The following STK31 variants were observed in gnomAD, a reference collection of about 807,000 sequenced individuals.
The protein encoded by STK31 is serine/threonine-protein kinase 31.
In STK31, 89 loss-of-function variants were observed where a neutral mutation model predicts 129.7. That is an observed-to-expected ratio of 0.69 (90% CI 0.58 to 0.82). The LOEUF (loss-of-function observed/expected upper bound fraction) is 0.82. STK31 is among the 40% of genes least tolerant of loss of function. STK31 has a pLI of 0.00. For missense variants in STK31, 1,187 were observed against 1,176.4 expected, an observed-to-expected ratio of 1.01 and a Z score of -0.13; for synonymous variants, 448 against 395.3, an observed-to-expected ratio of 1.13 and a Z score of -1.58.
At chr7:23,721,398 C>T (rs981289307) in intron 4 of STK31, 2 of 1,070,266 alleles carry the variant, frequency 1.9e-6, no homozygotes, top group Non-Finnish European at 1.4e-6. Flanking sequence ...TGAGGTGGCT[C>T]CTCTGGCTTC....
intron 3 of STK31, among the ~76,000 whole-genome samples, chr7:23,714,611 T>C (rs932100725): frequency 1.8e-4 from 27 of 152,232 alleles, no homozygotes; most frequent in African/African-American, 6.5e-4. Context: ...CTTTTTAATA[T>C]TGTCTTTGAA....
At chr7:23,825,404 C>T (rs1210402533) in intron 23 of STK31, among the ~76,000 whole-genome samples, 1 of 152,168 alleles carries the variant, frequency 6.6e-6, no homozygotes, top group Non-Finnish European at 1.5e-5. Flanking sequence ...TTATAGTATT[C>T]TCTGATGGTA....
chr7:23,793,550 T>A (rs1266809787), intron 22 of STK31, among the ~76,000 whole-genome samples: 1 of 152,152 alleles, frequency 6.6e-6, no homozygotes, highest in Non-Finnish European at 1.5e-5. Context: ...CTAAGAAGAC[T>A]GCCCAGTTAA....
rs1472829233 is a variant in STK31 at position 23,788,094 on chromosome 7, G to T, written c.2602G>T (p.Gly868Ter). 1 of 1,611,188 alleles carries T rather than the reference G, an allele frequency of 6.2e-7. No individual in the cohort carries two copies. Residue 868 changes from glycine (G) to a stop codon, truncating the protein, a stop_gained, in exon 21 of 24, where the codon GGA becomes TGA. Coordinates refer to ENST00000355870, the MANE Select transcript of STK31 (RefSeq NM_031414.5). LOFTEE classifies it high-confidence loss of function. ...TGTATTTGCTTTAAACCGTGAACAA[G>T]GAATTGTTGGAGATTTTGACTTCAC... is the stretch of plus-strand genomic sequence containing the variant. The part of the protein sequence containing the change: ...NNVFALNREQ[G>*]IVGDFDFTKS...
chr7:23,769,798 T>A (rs897136371), intron 13 of STK31, 42 bp downstream of exon 13: 1 of 1,331,064 alleles, frequency 7.5e-7, no homozygotes, highest in Non-Finnish European at 1.1e-6. Flanking sequence ...TTTGAAGCAG[T>A]GTGGTTTCCT....
intron 22 of STK31, among the ~76,000 whole-genome samples, chr7:23,797,388 A>G (rs1016813499): frequency 6.6e-6 from 1 of 152,174 alleles, no homozygotes; most frequent in South Asian, 2.1e-4. Flanking sequence ...CAGCAAATGC[A>G]AAAGAATGGA....
chr7:23,803,992 A>G (rs1792536372), intron 22 of STK31, among the ~76,000 whole-genome samples: 1 of 152,202 alleles, frequency 6.6e-6, no homozygotes, highest in South Asian at 2.1e-4. Flanking sequence ...TACATTGAAA[A>G]AGAATTGTGT....
chr7:23,731,127 C>G (rs897145597), intron 6 of STK31, among the ~76,000 whole-genome samples: 2 of 151,494 alleles, frequency 1.3e-5, no homozygotes, highest in Non-Finnish European at 2.9e-5. Flanking sequence ...CAAGAGATCC[C>G]CCTGTCTCTG....
chr7:23,797,181 C>T (rs1436011055), intron 22 of STK31, among the ~76,000 whole-genome samples: 1 of 151,480 alleles, frequency 6.6e-6, no homozygotes, highest in Non-Finnish European at 1.5e-5. Context: ...CTTTAACACC[C>T]CACCGTCAAT....
chr7:23,773,932 A>C (rs7800132), intron 15 of STK31, among the ~76,000 whole-genome samples: 147,594 of 150,810 alleles, frequency 0.98, 72,326 homozygotes, highest in Non-Finnish European at 1. Context: ...TCTCCCTGCC[A>C]CCCCCCACCC....
At chr7:23,813,943 A>AGGT (rs926431208) in intron 22 of STK31, among the ~76,000 whole-genome samples, 1 of 151,892 alleles carries the variant, frequency 6.6e-6, no homozygotes, top group Non-Finnish European at 1.5e-5. Context: ...TTGGTGTCTC[A>AGGT]GGTGGTGCTG....
chr7:23,732,900 A>G (rs148984319), intron 6 of STK31, among the ~76,000 whole-genome samples: 206 of 152,312 alleles, frequency 1.4e-3, no homozygotes, highest in African/African-American at 3.3e-3. Flanking sequence ...TATGTGAAAG[A>G]GGTTAACTGG....
At chr7:23,797,754 T>C (rs183571001) in intron 22 of STK31, among the ~76,000 whole-genome samples, 1 of 151,800 alleles carries the variant, frequency 6.6e-6, no homozygotes, top group Admixed American at 6.6e-5. Context: ...CAAGAAATAA[T>C]TAAGATCAGG....
At chr7:23,769,596 T>C in intron 12 of STK31, 44 bp from the exon 13 acceptor site, 1 of 1,309,916 alleles carries the variant, frequency 7.6e-7, no homozygotes, top group Non-Finnish European at 1.1e-6. Flanking sequence ...TGAATGCTGA[T>C]TGAATTAAAT....
rs765904984 is a variant in STK31 at position 23,754,375 on chromosome 7, T to G, written c.1194T>G (p.Asp398Glu). 1 of 1,614,094 alleles carries G rather than the reference T, an allele frequency of 6.2e-7. No homozygotes were observed. The highest frequency in any genetic ancestry group is 1.1e-5 in the South Asian group (1 of 91,072). ...KDLSDAIQVL[D>E]EGCFTTPASL... Reference sequence around the variant, plus strand: ...TTTCAGATGCTATACAAGTGTTGGATGAAGGGTGCTTTACTACTCCAGCTT... The same window carrying G: ...TTTCAGATGCTATACAAGTGTTGGAGGAAGGGTGCTTTACTACTCCAGCTT... The change falls in exon 10 of 24, where the codon GAT becomes GAG. Residue 398 changes from aspartate to glutamate, a missense_variant. By Grantham distance (45) the Asp-to-Glu change is conservative (BLOSUM62 2). Around this residue, in one of 5 missense-constraint regions of STK31, gnomAD observed 975 missense variants for 934.9 expected, o/e 1.04. Coordinates refer to ENST00000355870, the MANE Select transcript of STK31 (RefSeq NM_031414.5).
At chr7:23,757,082 T>C (rs996122824) in intron 10 of STK31, among the ~76,000 whole-genome samples, 3 of 152,190 alleles carry the variant, frequency 2.0e-5, no homozygotes, top group African/African-American at 7.2e-5. Context: ...CTGTTCTTTG[T>C]ATTTCTGGTA....
In STK31 at chr7:23,813,567, C is replaced by T. The variant is rs187842499; in HGVS notation, c.2761-1577C>T. Among the ~76,000 whole-genome samples the T allele has an allele frequency of 9.2e-5, 14 of 152,290 alleles. 1 individual carries two copies. Among genetic ancestry groups the T allele is most frequent in the Admixed American group, 7.8e-4 (12 of 15,290 alleles). The stretch of plus-strand genomic sequence containing the variant: ...CAGAGGTCCTGGACTACTTTTTGAA[C>T]TGTGGTTTTAACGACAATCTAATTT... On this transcript the variant is annotated intron_variant, in intron 22 of 23. Transcript: ENST00000355870.
intron 3 of STK31, 140 bp from the exon 4 acceptor site, chr7:23,717,341 T>C (rs531280353): frequency 2.0e-6 from 1 of 489,176 alleles, no homozygotes; most frequent in South Asian, 5.0e-5. Flanking sequence ...ATTTAAATTA[T>C]GAAAAAATAC....
chr7:23,791,920 AC>A (rs747420148), intron 22 of STK31, among the ~76,000 whole-genome samples: 9 of 152,226 alleles, frequency 5.9e-5, no homozygotes, highest in Admixed American at 2.0e-4. Context: ...CAGTATGTAA[AC>A]AAATCAGTGT....
Sources: allele counts gnomAD v4.1 joint callset (sites outside exome capture counted in the v4.1 genomes callset), GRCh38; gene constraint gnomAD v4.1.1; regional missense constraint gnomAD v4.1.1; transcripts MANE v1.5; gene names NCBI Gene and HGNC (gene_info 2026-07-23, HGNC 2026-07-21).